SGSM1: variants seen among roughly 807,000 people sequenced by gnomAD.
The protein encoded by SGSM1 is RUN and TBC1 domain containing 2.
Under a neutral mutation model 133.8 loss-of-function variants are expected in SGSM1, and 73 were observed. That is an observed-to-expected ratio of 0.55 (90% CI 0.45 to 0.66). SGSM1 has a LOEUF of 0.66. SGSM1 is among the 30% of genes least tolerant of loss of function. The probability of loss-of-function intolerance (pLI) is 0.00; values close to 1 mark genes in which losing one functional copy is unlikely to be tolerated. For synonymous variants in SGSM1, 563 were observed against 573.0 expected (o/e 0.98, Z 0.25); for missense variants, 1,213 against 1,448.1 (o/e 0.84, Z 2.64).
chr22:24,821,478 A>G (rs1480756448), intron 2 of SGSM1, among the ~76,000 whole-genome samples: 1 of 152,150 alleles, frequency 6.6e-6, no homozygotes, highest in Non-Finnish European at 1.5e-5. Flanking sequence ...TGAGGAGGAG[A>G]GAGATGCGAG....
Position 24,855,643 on chromosome 22 carries a change from C to T in SGSM1, c.764C>T (p.Thr255Ile). Reference sequence around the variant, plus strand: ...TCCCTGCATCAGAACTCCCGTGCCACCCTTCTCTATGGCAAAAACAACGTT... The same window carrying T: ...TCCCTGCATCAGAACTCCCGTGCCATCCTTCTCTATGGCAAAAACAACGTT... ...VESLHQNSRA[T>I]LLYGKNNVLV... Residue 255 changes from threonine (T) to isoleucine (I), a missense_variant, in exon 8 of 25, where the codon ACC becomes ATC. Physicochemically the swap from Thr to Ile is moderately conservative, Grantham distance 89. Coordinates refer to ENST00000400358, the MANE Select transcript of SGSM1 (RefSeq NM_001098497.3). 1 of 1,613,958 alleles carries T rather than the reference C, an allele frequency of 6.2e-7. No individual in the cohort carries two copies. Among genetic ancestry groups the T allele is most frequent in the Non-Finnish European group, 8.5e-7 (1 of 1,179,880 alleles).
At chr22:24,831,025 C>T (rs1334482967) in intron 2 of SGSM1, among the ~76,000 whole-genome samples, 1 of 152,128 alleles carries the variant, frequency 6.6e-6, no homozygotes, top group Non-Finnish European at 1.5e-5. Context: ...GCTTCTGCAT[C>T]CTGTGTGGCT....
At chr22:24,884,874 C>T (rs16979152) in intron 15 of SGSM1, among the ~76,000 whole-genome samples, 6,622 of 152,226 alleles carry the variant, frequency 0.044, 219 homozygotes, top group African/African-American at 0.089. Context: ...CTGTTAAAGT[C>T]ATCCTAGTGT....
At chr22:24,808,171 T>C (rs1243424220) in intron 2 of SGSM1, among the ~76,000 whole-genome samples, 1 of 149,924 alleles carries the variant, frequency 6.7e-6, no homozygotes, top group African/African-American at 2.5e-5. Context: ...TAGAGTACAG[T>C]GGCACAGTCT....
At chr22:24,813,468 C>T (rs552819348) in intron 2 of SGSM1, among the ~76,000 whole-genome samples, 1 of 152,318 alleles carries the variant, frequency 6.6e-6, no homozygotes, top group South Asian at 2.1e-4. Context: ...CCACCCACTA[C>T]TCGCCCCACT....
At chr22:24,806,404 C>G (rs781524652) in intron 1 of SGSM1, 37 bp from the exon 2 acceptor site, 1 of 1,521,250 alleles carries the variant, frequency 6.6e-7, no homozygotes, top group South Asian at 1.2e-5. Context: ...CGCACCCTCT[C>G]TCGGCTGACC....
chr22:24,839,932 C>CTTTTTTT (rs758631851), intron 2 of SGSM1, among the ~76,000 whole-genome samples: 3 of 106,478 alleles, frequency 2.8e-5, no homozygotes, highest in Admixed American at 1.2e-4. Context: ...AACCATCTCT[C>CTTTTTTT]TTTTTTTTTT....
intron 16 of SGSM1, among the ~76,000 whole-genome samples, chr22:24,888,470 G>A (rs1191941638): frequency 2.0e-5 from 3 of 151,974 alleles, no homozygotes; most frequent in Non-Finnish European, 4.4e-5. Flanking sequence ...CTCTTGCACT[G>A]TTAAAAAACA....
chr22:24,868,441 C>G lies in SGSM1; in HGVS notation c.1060C>G (p.Pro354Ala), dbSNP rs761926848. Residue 354 changes from proline to alanine, a missense_variant, in exon 11 of 25, where the codon CCC (proline) becomes GCC (alanine). Coordinates refer to ENST00000400358, the MANE Select transcript of SGSM1 (RefSeq NM_001098497.3). ...DGIQRPPFRF[P>A]KGGHLLQFLS... The stretch of plus-strand genomic sequence containing the variant: ...GATCCAGAGGCCGCCCTTCCGCTTC[C>G]CCAAGGGCGGGCACCTCCTGCAGTT... 5 of 1,613,916 alleles carry G rather than the reference C, an allele frequency of 3.1e-6. No individual in the cohort carries two copies. The South Asian group carries it at 5.5e-5, about 18-fold the overall frequency.
At position 24,897,972 on chromosome 22, in the gene SGSM1, G is replaced by A. The variant is rs762208193; in HGVS notation, c.2023G>A (p.Val675Met). The change falls in exon 19 of 25, where the codon GTG becomes ATG. Residue 675 changes from valine (V) to methionine (M), a missense_variant and splice_region_variant. Transcript: ENST00000400358. The stretch of plus-strand genomic sequence containing the variant: ...CTGTTTTTGTGCACCTTGTCCTCAG[G>A]TGTTTGAGTCTGTGGATGAGGTGGA... The part of the protein sequence containing the change: ...LHSDSSSSTQ[V>M]FESVDEVEQV... 6 of 1,589,880 alleles carry A rather than the reference G, an allele frequency of 3.8e-6. No homozygotes were observed. The East Asian group carries it at 1.4e-4, about 36-fold the overall frequency.
intron 21 of SGSM1, among the ~76,000 whole-genome samples, chr22:24,905,865 G>A (rs1336547972): frequency 1.3e-5 from 2 of 151,172 alleles, no homozygotes; most frequent in Admixed American, 6.6e-5. Context: ...ACGTAGAAAA[G>A]GAAGGAATGC....
chr22:24,879,852 A>G (rs1932232542), intron 14 of SGSM1, among the ~76,000 whole-genome samples: 1 of 152,132 alleles, frequency 6.6e-6, no homozygotes, highest in African/African-American at 2.4e-5. Context: ...ACCACGTAGA[A>G]AGCCCCAGCA....
intron 8 of SGSM1, among the ~76,000 whole-genome samples, chr22:24,858,362 C>T (rs185095425): frequency 6.6e-6 from 1 of 152,178 alleles, no homozygotes; most frequent in East Asian, 1.9e-4. Context: ...TGCCTGTAAT[C>T]CTAGAACTTT....
At chr22:24,893,635 G>A in intron 17 of SGSM1, 22 bp downstream of exon 17, 3 of 1,536,998 alleles carry the variant, frequency 2.0e-6, no homozygotes, top group Non-Finnish European at 1.7e-6. Context: ...CTGGCCTCGG[G>A]GAGCGCGGGG....
chr22:24,911,061 C>T (rs562823017), intron 21 of SGSM1, among the ~76,000 whole-genome samples: 133 of 152,100 alleles, frequency 8.7e-4, no homozygotes, highest in Middle Eastern at 3.4e-3. Flanking sequence ...CATGGTGAAA[C>T]GTCACCTCTA....
At chr22:24,880,050 G>A (rs973953784) in intron 14 of SGSM1, among the ~76,000 whole-genome samples, 26 of 152,242 alleles carry the variant, frequency 1.7e-4, no homozygotes, top group African/African-American at 6.0e-4. Flanking sequence ...AAGATGACTT[G>A]CCTAAGGTCA....
chr22:24,868,757 C>A lies in SGSM1; in HGVS notation c.1193C>A (p.Pro398His), dbSNP rs761586162. 1.5e-5 allele frequency: 24 copies of A among 1,613,902 alleles called. No homozygotes were observed. The highest frequency in any genetic ancestry group is 6.7e-5 in the Admixed American group (4 of 60,006). Residue 398 changes from proline (P) to histidine (H), a missense_variant, in exon 12 of 25, where the codon CCT (proline) becomes CAT (histidine). Pro to His is a moderately conservative substitution (Grantham distance 77, BLOSUM62 -2). Transcript: ENST00000400358. Reference sequence around the variant, plus strand: ...TTTCCTAAACTGCGCAAGCGAAGCCCTCAGGGTTCTGCCGAGTCCACATCT... The same window carrying A: ...TTTCCTAAACTGCGCAAGCGAAGCCATCAGGGTTCTGCCGAGTCCACATCT... ...KVFPKLRKRS[P>H]QGSAESTSSD...
intron 10 of SGSM1, among the ~76,000 whole-genome samples, chr22:24,867,961 G>T (rs967429620): frequency 6.6e-6 from 1 of 152,152 alleles, no homozygotes; most frequent in Non-Finnish European, 1.5e-5. Flanking sequence ...AACATGCTGC[G>T]CTTGTATTCA....
intron 17 of SGSM1, among the ~76,000 whole-genome samples, chr22:24,893,881 G>A (rs1441619740): frequency 6.6e-6 from 1 of 152,196 alleles, no homozygotes; most frequent in Non-Finnish European, 1.5e-5. Context: ...ATAATCAGGT[G>A]TAGAGGAGGT....
Sources: gnomAD v4.1 joint callset for allele counts (sites outside exome capture counted in the v4.1 genomes callset) on GRCh38, gnomAD v4.1.1 for gene constraint, MANE v1.5 for transcripts, NCBI Gene and HGNC (gene_info 2026-07-23, HGNC 2026-07-21) for gene names.